The following CHL1 variants were observed in gnomAD, a reference collection of about 807,000 sequenced individuals.
The protein encoded by CHL1 is cell adhesion molecule L1 like, also known as neural cell adhesion molecule L1-like protein.
A neutral mutation model predicts 141.9 loss-of-function variants in CHL1; 96 were observed. The observed-to-expected ratio is 0.68, with a 90% CI of 0.57 to 0.80. CHL1 has a LOEUF of 0.80. Among genes scored for constraint, CHL1 ranks in the 30% least tolerant of loss-of-function variants. CHL1 has a pLI of 0.00. For missense variants in CHL1, 1,820 were observed against 1,457.2 expected (o/e 1.25, Z -4.05); for synonymous variants, 613 against 502.2 (o/e 1.22, Z -2.95).
intron 11 of CHL1, among the ~76,000 whole-genome samples, chr3:355,311 A>G (rs1703615519): frequency 1.3e-5 from 2 of 152,122 alleles, no homozygotes; most frequent in African/African-American, 4.8e-5. Flanking sequence ...CCTATTTGCT[A>G]CCAACCTCAA....
intron 25 of CHL1, 122 bp from the exon 26 acceptor site, chr3:398,895 G>T (rs1450079922): frequency 2.5e-6 from 2 of 800,446 alleles, no homozygotes; most frequent in South Asian, 1.8e-5. Flanking sequence ...TTCCTTCTGG[G>T]GTCATTAAAA....
At chr3:404,601 TTC>T (rs1328539873) in intron 27 of CHL1, among the ~76,000 whole-genome samples, 1 of 152,232 alleles carries the variant, frequency 6.6e-6, no homozygotes, top group Non-Finnish European at 1.5e-5. Flanking sequence ...AGCCATTTCT[TTC>T]TGTCTTAAAA....
intron 16 of CHL1, among the ~76,000 whole-genome samples, chr3:378,981 G>A (rs538322941): frequency 6.6e-6 from 1 of 152,226 alleles, no homozygotes; most frequent in Admixed American, 6.5e-5. Flanking sequence ...CTGTTTCGGT[G>A]GCCACCATGT....
intron 24 of CHL1, 71 bp downstream of exon 24, chr3:394,943 T>C (rs1393633613): frequency 1.6e-6 from 2 of 1,262,294 alleles, no homozygotes; most frequent in Admixed American, 5.2e-5. Flanking sequence ...ACAGCTGCAC[T>C]GAAAGGAAAG....
intron 15 of CHL1, chr3:376,324 AT>A (rs1706312958): frequency 2.0e-6 from 1 of 488,062 alleles, no homozygotes; most frequent in Non-Finnish European, 4.0e-6. Context: ...TGACAGAATT[AT>A]CCAGGCTTCA....
chr3:333,384 G>T (rs778315328), intron 5 of CHL1, among the ~76,000 whole-genome samples: 28 of 151,952 alleles, frequency 1.8e-4, no homozygotes, highest in Non-Finnish European at 3.4e-4. Flanking sequence ...TAGAAACTTT[G>T]TGATTCAAAT....
intron 2 of CHL1, among the ~76,000 whole-genome samples, chr3:290,503 G>A (rs1193653182): frequency 6.6e-6 from 1 of 152,068 alleles, no homozygotes; most frequent in East Asian, 1.9e-4. Flanking sequence ...AAAGACCTGG[G>A]TTTAGTATTT....
intron 5 of CHL1, among the ~76,000 whole-genome samples, chr3:331,217 GTTTGTT>G (rs1701414887): frequency 8.8e-5 from 1 of 11,410 alleles, no homozygotes; most frequent in Non-Finnish European, 3.6e-4. Flanking sequence ...TTTTTTGTTT[GTTTGTT>G]TGTTTGTTTG....
chr3:359,468 G>T (rs1180408778), intron 11 of CHL1, among the ~76,000 whole-genome samples: 2 of 151,872 alleles, frequency 1.3e-5, no homozygotes, highest in African/African-American at 4.8e-5. Flanking sequence ...ACACCTGGCT[G>T]ATTTTTGTAT....
chr3:344,503 T>A, intron 8 of CHL1, 86 bp from the exon 9 acceptor site: 1 of 985,210 alleles, frequency 1.0e-6, no homozygotes, highest in Non-Finnish European at 1.5e-6. Flanking sequence ...GTGTGTCGGA[T>A]TTTTTGTTTT....
In CHL1 at chr3:382,616, A is replaced by C. The variant is rs759920163; in HGVS notation, c.2121A>C (p.Glu707Asp). Residue 707 changes from glutamate to aspartate, a missense_variant, in exon 18 of 28, where the codon GAA (glutamate) becomes GAC (aspartate). By Grantham distance (45) the Glu-to-Asp change is conservative. Coordinates refer to ENST00000256509, the MANE Select transcript of CHL1 (RefSeq NM_006614.4). Reference protein sequence around the residue: ...RYQFRVIAVNEVGRSQPSQPS... With the variant: ...RYQFRVIAVNDVGRSQPSQPS... ...AGTTCAGGGTCATAGCCGTGAACGA[A>C]GTAGGGAGAAGTCAGCCTAGCCAGC... 2 of 1,613,872 alleles carry C rather than the reference A, an allele frequency of 1.2e-6. No homozygotes were observed. Among genetic ancestry groups the C allele is most frequent in the Non-Finnish European group, 1.7e-6 (2 of 1,179,876 alleles).
At chr3:232,352 T>C (rs184077853) in intron 1 of CHL1, among the ~76,000 whole-genome samples, 140 of 152,328 alleles carry the variant, frequency 9.2e-4, no homozygotes, top group Admixed American at 2.5e-3. Context: ...GAATTGTCAT[T>C]GAATTTGTAC....
chr3:337,570 A>T (rs931791700), intron 5 of CHL1, among the ~76,000 whole-genome samples: 14 of 145,296 alleles, frequency 9.6e-5, no homozygotes, highest in South Asian at 2.1e-4. Flanking sequence ...CCTATGTCCA[A>T]GTGTTCTCAT....
chr3:374,781 G>C (rs939973335), intron 15 of CHL1, among the ~76,000 whole-genome samples: 2 of 152,196 alleles, frequency 1.3e-5, no homozygotes, highest in African/African-American at 2.4e-5. Context: ...GGGAGTAGAA[G>C]TCACAGGTAT....
chr3:233,649 C>T (rs1185893932), intron 1 of CHL1, among the ~76,000 whole-genome samples: 1 of 152,062 alleles, frequency 6.6e-6, no homozygotes, highest in East Asian at 1.9e-4. Flanking sequence ...TAGTATTTTT[C>T]ATAAGAGCAA....
At position 319,756 on chromosome 3, in the gene CHL1, T is replaced by C. The variant is rs776088613; in HGVS notation, c.-21T>C. On this transcript the variant is annotated 5_prime_UTR_variant, in exon 3 of 28. Coordinates refer to ENST00000256509, the MANE Select transcript of CHL1 (RefSeq NM_006614.4). ...CATTAAGATTTTCATTCTTACCGGG[T>C]TGTCTTCTTCCTGAAGAGCAATGGA... 3.3e-6 allele frequency: 5 copies of C among 1,508,778 alleles called. No homozygotes were observed. In the South Asian group the frequency reaches 4.5e-5, roughly 14 times the overall value. The allele number at this position is 1,508,778 out of a possible 1,614,324, so 93.5% of individuals were successfully genotyped here. A position where few individuals can be genotyped will look rare whatever the true frequency, so the allele number is the denominator to read the frequency against.
At chr3:328,427 C>A in intron 5 of CHL1, 73 bp downstream of exon 5, 1 of 1,250,674 alleles carries the variant, frequency 8.0e-7, no homozygotes, top group South Asian at 1.6e-5. Flanking sequence ...GATTGGGTTC[C>A]AATGAAATAA....
intron 2 of CHL1, among the ~76,000 whole-genome samples, chr3:278,358 C>T (rs916085213): frequency 1.3e-5 from 2 of 152,192 alleles, no homozygotes; most frequent in Non-Finnish European, 2.9e-5. Flanking sequence ...ATCCCCATTG[C>T]GCTAAGTGGC....
chr3:262,479 C>T (rs6795932), intron 2 of CHL1, among the ~76,000 whole-genome samples: 25 of 116,004 alleles, frequency 2.2e-4, no homozygotes, highest in African/African-American at 1.0e-3. Flanking sequence ...TAGATCTACA[C>T]AGTACTCACA....
Sources: gnomAD v4.1 joint callset for allele counts (sites outside exome capture counted in the v4.1 genomes callset) on GRCh38, gnomAD v4.1.1 for gene constraint, MANE v1.5 for transcripts, NCBI Gene and HGNC (gene_info 2026-07-23, HGNC 2026-07-21) for gene names.